The following PCDHGA4 variants were observed in gnomAD, a reference collection of about 807,000 sequenced individuals.
PCDHGA4 encodes protocadherin gamma-A4.
Under a neutral mutation model 54.6 loss-of-function variants are expected in PCDHGA4, and 38 were observed. The observed-to-expected ratio is 0.70, with a 90% CI of 0.54 to 0.91. The LOEUF (loss-of-function observed/expected upper bound fraction) is 0.91. Ranked by LOEUF, PCDHGA4 falls within the 40% of genes least tolerant of loss-of-function variation. The pLI is 0.00. For missense variants in PCDHGA4, 1,298 were observed against 1,220.9 expected, an observed-to-expected ratio of 1.06 and a Z score of -0.94; for synonymous variants, 511 against 512.9, an observed-to-expected ratio of 1.00 and a Z score of 0.05.
intron 1 of PCDHGA4, chr5:141,409,571 TA>T: frequency 6.2e-7 from 1 of 1,613,932 alleles, no homozygotes; most frequent in Non-Finnish European, 8.5e-7. Flanking sequence ...CCAGACGTCC[TA>T]CGTGGTCCAC....
Position 141,505,473 on chromosome 5 carries a change from C to T in PCDHGA4, c.2654C>T (p.Ser885Phe). The change falls in exon 3 of 4, where the codon TCC (serine) becomes TTC (phenylalanine). Residue 885 changes from serine to phenylalanine, a missense_variant. Transcript: ENST00000571252. Reference sequence around the variant, plus strand: ...ATGCTGCAAGCCATGATCTTGGCGTCCGCCAGTGGTAAGTGGTGTCAGTGT... The same window carrying T: ...ATGCTGCAAGCCATGATCTTGGCGTTCGCCAGTGGTAAGTGGTGTCAGTGT... ...TEMLQAMILA[S>F]ASEAADGSST... is the part of the protein sequence containing the mutation. The T allele has an allele frequency of 6.2e-7, 1 of 1,614,188 alleles. No homozygotes were observed. Among genetic ancestry groups the T allele is most frequent in the Non-Finnish European group, 8.5e-7 (1 of 1,180,014 alleles).
chr5:141,393,896 T>C lies in PCDHGA4; in HGVS notation c.2514+36275T>C, dbSNP rs754023896. 3.1e-6 allele frequency: 5 copies of C among 1,613,942 alleles called. No homozygotes were observed. In the East Asian group the frequency reaches 1.1e-4, roughly 36 times the overall value. On this transcript the variant is annotated intron_variant, in intron 1 of 3. Coordinates refer to ENST00000571252, the MANE Select transcript of PCDHGA4 (RefSeq NM_018917.4). Reference sequence around the variant, plus strand: ...TTAGCCCAGTGTTAGAAAATTCTCTTCCCGGGACAGTAATTGCCTTCTTGA... The same window carrying C: ...TTAGCCCAGTGTTAGAAAATTCTCTCCCCGGGACAGTAATTGCCTTCTTGA...
At chr5:141,423,150 G>T in intron 1 of PCDHGA4, 1 of 1,613,538 alleles carries the variant, frequency 6.2e-7, no homozygotes, top group Non-Finnish European at 8.5e-7. Flanking sequence ...CGCTCAAGCA[G>T]AGCCTCGTGG....
At chr5:141,393,435 C>T in intron 1 of PCDHGA4, 1 of 1,614,014 alleles carries the variant, frequency 6.2e-7, no homozygotes. Context: ...AGAGGCTGCT[C>T]ACCACCTGGT....
Position 141,432,038 on chromosome 5 carries a change from C to A in PCDHGA4, c.2515-62769C>A. On this transcript the variant is annotated intron_variant, in intron 1 of 3. Transcript: ENST00000571252. The surrounding 1 kb of genome is among the most constrained non-coding windows in gnomAD (Gnocchi z 6.0). ...CAACATCACAGTGACCGCCACTGAC[C>A]GGGGAACCCCGCCCCTATCCACGGA... 1 of 1,614,190 alleles carries A rather than the reference C, an allele frequency of 6.2e-7. No homozygotes were observed. The highest frequency in any genetic ancestry group is 1.1e-5 in the South Asian group (1 of 91,072).
Position 141,476,889 on chromosome 5 carries a change from C to T in PCDHGA4, c.2515-17918C>T. ...CGGGCGCGCGTCCTGGAGGATGCAC[C>T]CTCCGGCACGCGCGTGGTACAAGTC... is the stretch of plus-strand genomic sequence containing the variant. On this transcript the variant is annotated intron_variant, in intron 1 of 3. Transcript: ENST00000571252. This position sits in a 1 kb window ranked among gnomAD's most constrained non-coding sequence, Gnocchi z 7.6. 6.2e-7 allele frequency: 1 copy of T among 1,613,960 alleles called. No individual in the cohort carries two copies. The highest frequency in any genetic ancestry group is 8.5e-7 in the Non-Finnish European group (1 of 1,180,034).
rs537334679 is a variant in PCDHGA4 at position 141,413,479 on chromosome 5, C to G, written c.2514+55858C>G. ...GATAGACCGGGAGGAGCTCTGCGCTCAGAGCGCGCGGTGCGTGGTGAGTTT... is the reference window on the plus strand; with the variant it reads ...GATAGACCGGGAGGAGCTCTGCGCTGAGAGCGCGCGGTGCGTGGTGAGTTT... On this transcript the variant is annotated intron_variant, in intron 1 of 3. Coordinates refer to ENST00000571252, the MANE Select transcript of PCDHGA4 (RefSeq NM_018917.4). 4.3e-6 allele frequency: 7 copies of G among 1,614,084 alleles called. No individual in the cohort carries two copies. In the African/African-American group the frequency reaches 6.7e-5, roughly 15 times the overall value.
In PCDHGA4 at chr5:141,476,258, G is replaced by A. The variant is rs1247889010; in HGVS notation, c.2515-18549G>A. 1 of 1,614,018 alleles carries A rather than the reference G, an allele frequency of 6.2e-7. No individual in the cohort carries two copies. Among genetic ancestry groups the A allele is most frequent in the South Asian group, 1.1e-5 (1 of 91,066 alleles). Reference sequence around the variant, plus strand: ...GGAAAGAGAGAAGGGTTTCGCTGTGGGCAACGTGGTCGCGAACCTTGGTTT... The same window carrying A: ...GGAAAGAGAGAAGGGTTTCGCTGTGAGCAACGTGGTCGCGAACCTTGGTTT... On this transcript the variant is annotated intron_variant, in intron 1 of 3. Coordinates refer to ENST00000571252, the MANE Select transcript of PCDHGA4 (RefSeq NM_018917.4). This position sits in a 1 kb window ranked among gnomAD's most constrained non-coding sequence, Gnocchi z 7.6.
Position 141,487,463 on chromosome 5 carries a change from G to T in PCDHGA4, c.2515-7344G>T, listed in dbSNP as rs754798527. 1 of 1,614,136 alleles carries T rather than the reference G, an allele frequency of 6.2e-7. No homozygotes were observed. The highest frequency in any genetic ancestry group is 1.7e-5 in the Admixed American group (1 of 60,016). ...GTCAGATGACCCTATCAAGTTTGTT[G>T]ATGTGGGAGGCCACTCTCATGGCTG... On this transcript the variant is annotated intron_variant, in intron 1 of 3. Coordinates refer to ENST00000571252, the MANE Select transcript of PCDHGA4 (RefSeq NM_018917.4). The surrounding 1 kb of genome is among the most constrained non-coding windows in gnomAD (Gnocchi z 5.0).
intron 1 of PCDHGA4, chr5:141,419,783 C>A: frequency 1.2e-6 from 2 of 1,614,070 alleles, no homozygotes; most frequent in Non-Finnish European, 1.7e-6. Context: ...CCGCCAGCGC[C>A]TGCTAGTCGC....
intron 1 of PCDHGA4, among the ~76,000 whole-genome samples, chr5:141,480,400 G>A (rs1364147575): frequency 6.8e-6 from 1 of 146,550 alleles, no homozygotes; most frequent in Non-Finnish European, 1.5e-5. Context: ...TGGCAATAGA[G>A]TGAGACCCTG....
chr5:141,509,499 T>C (rs895353804), intron 3 of PCDHGA4, among the ~76,000 whole-genome samples: 1 of 152,128 alleles, frequency 6.6e-6, no homozygotes, highest in Non-Finnish European at 1.5e-5. Flanking sequence ...GCATGCTGGA[T>C]GTGACGGTGT....
chr5:141,413,351 C>A (rs774333807), intron 1 of PCDHGA4: 6 of 1,613,932 alleles, frequency 3.7e-6, no homozygotes, highest in South Asian at 1.1e-5. Flanking sequence ...TTGGGTCTGG[C>A]GCCCCGGGAG....
chr5:141,355,411 A>G lies in PCDHGA4; in HGVS notation c.304A>G (p.Arg102Gly), dbSNP rs1759844288. The stretch of plus-strand genomic sequence containing the variant: ...CGGAGTCCGCATCGTCTCCAGAGGT[A>G]GGACGCAGCTTTTCGCCCTGAACCC... ...ERGVRIVSRG[R>G]TQLFALNPRS... is the part of the protein sequence containing the mutation. The change falls in exon 1 of 4, where the codon AGG becomes GGG. Residue 102 changes from arginine to glycine, a missense_variant. By Grantham distance (125) the Arg-to-Gly change is moderately radical. Transcript: ENST00000571252. 3 of 1,613,986 alleles carry G rather than the reference A, an allele frequency of 1.9e-6. No homozygotes were observed. Among genetic ancestry groups the G allele is most frequent in the African/African-American group, 2.7e-5 (2 of 74,950 alleles).
At chr5:141,404,354 G>C in intron 1 of PCDHGA4, 1 of 1,613,916 alleles carries the variant, frequency 6.2e-7, no homozygotes. Context: ...CAACGCCAGA[G>C]GTACTTCCAT....
intron 1 of PCDHGA4, among the ~76,000 whole-genome samples, chr5:141,469,821 G>A (rs2099212107): frequency 6.6e-6 from 1 of 152,028 alleles, no homozygotes; most frequent in Admixed American, 6.6e-5. Flanking sequence ...TAGAATGGAG[G>A]TCACATAAAA....
chr5:141,371,675 A>T (rs1373502908), intron 1 of PCDHGA4: 3 of 1,614,002 alleles, frequency 1.9e-6, no homozygotes, highest in South Asian at 2.2e-5. Context: ...CTACCGACAA[A>T]GGCAATCCAC....
At chr5:141,422,375 T>G (rs2096644332) in intron 1 of PCDHGA4, 3 of 1,570,696 alleles carry the variant, frequency 1.9e-6, no homozygotes, top group Admixed American at 1.9e-5. Flanking sequence ...AATGGTCAAG[T>G]CTCCTGTTTT....
intron 1 of PCDHGA4, among the ~76,000 whole-genome samples, chr5:141,470,598 G>A (rs2099234276): frequency 6.6e-6 from 1 of 152,184 alleles, no homozygotes; most frequent in Admixed American, 6.5e-5. Flanking sequence ...GGCGACCTGT[G>A]CGGGGACACA....
Sources: gnomAD v4.1 joint callset for allele counts (sites outside exome capture counted in the v4.1 genomes callset) on GRCh38, gnomAD v4.1.1 for gene constraint, Gnocchi (gnomAD v3.1) non-coding constraint, MANE v1.5 for transcripts, NCBI Gene and HGNC (gene_info 2026-07-23, HGNC 2026-07-21) for gene names.